The following SRGAP2 variants were observed in gnomAD, a reference collection of about 807,000 sequenced individuals.
The protein encoded by SRGAP2 is SLIT-ROBO Rho GTPase-activating protein 2.
Under a neutral mutation model 57.2 loss-of-function variants are expected in SRGAP2, and 15 were observed. The observed-to-expected ratio is 0.26, with a 90% CI of 0.18 to 0.40. The LOEUF is 0.40. SRGAP2 is among the 10% of genes least tolerant of loss of function. The pLI is 1.00. For synonymous variants in SRGAP2, 249 were observed against 248.0 expected (o/e 1.00, Z -0.04); for missense variants, 520 against 669.6 (o/e 0.78, Z 2.47).
chr1:206,302,255 G>A (rs1177339468), intron 2 of SRGAP2, among the ~76,000 whole-genome samples: 1 of 143,456 alleles, frequency 7.0e-6, no homozygotes, highest in Non-Finnish European at 1.5e-5. Context: ...CACACTGCAA[G>A]CCTTCTCTGA....
chr1:206,327,808 T>A (rs200845075), intron 3 of SRGAP2, among the ~76,000 whole-genome samples: 1 of 103,348 alleles, frequency 9.7e-6, no homozygotes, highest in Non-Finnish European at 1.8e-5. Flanking sequence ...ACTGAATCAT[T>A]TTTTTTTTTT....
chr1:206,437,225 C>A (rs1295249936), intron 15 of SRGAP2, among the ~76,000 whole-genome samples, 183 bp downstream of exon 15: 7 of 152,152 alleles, frequency 4.6e-5, no homozygotes, highest in African/African-American at 1.7e-4. Flanking sequence ...AGGGCACATC[C>A]CAGTTTCCTT....
At chr1:206,353,164 A>AT (rs1162837718) in intron 4 of SRGAP2, among the ~76,000 whole-genome samples, 1 of 151,926 alleles carries the variant, frequency 6.6e-6, no homozygotes, top group African/African-American at 2.4e-5. Flanking sequence ...AAAAATATCA[A>AT]TTTTTTCCTC....
At chr1:206,430,294 TAAG>T in intron 14 of SRGAP2, 72 bp downstream of exon 14, 1 of 771,892 alleles carries the variant, frequency 1.3e-6, no homozygotes, top group Non-Finnish European at 2.4e-6. Flanking sequence ...CTTTGTAGAG[TAAG>T]AATAGAGATT....
chr1:206,296,164 T>TTCTCTGGGCCAACTCC (rs1671581435), intron 2 of SRGAP2, among the ~76,000 whole-genome samples: 1 of 151,606 alleles, frequency 6.6e-6, no homozygotes, highest in Non-Finnish European at 1.5e-5. Flanking sequence ...CTCTCAGCTC[T>TTCTCTGGGCCAACTCC]GCTTCTCTGG....
In SRGAP2 at chr1:206,290,427, A is replaced by C. The variant is rs1368817113; in HGVS notation, c.68-12854A>C. On this transcript the variant is annotated intron_variant, in intron 2 of 22. Coordinates refer to ENST00000573034, the MANE Select transcript of SRGAP2 (RefSeq NM_015326.5). ...TTTGGGAGGCCAAGGCAGGTGGATC[A>C]CCAGAGGTCAGGAGTTCGAGACCAG... Among the ~76,000 whole-genome samples, 49 of 152,270 alleles carry C rather than the reference A, an allele frequency of 3.2e-4. 2 individuals carry two copies. The South Asian group carries it at 9.3e-3, about 29-fold the overall frequency.
Position 206,446,219 on chromosome 1 carries a change from C to A in SRGAP2, c.2019C>A (p.Ile673=). 1 of 780,954 alleles carries A rather than the reference C, an allele frequency of 1.3e-6. No homozygotes were observed. Among genetic ancestry groups the A allele is most frequent in the Non-Finnish European group, 2.4e-6 (1 of 418,014 alleles). The allele number at this position is 780,954 out of a possible 1,614,324, so 48.4% of individuals were successfully genotyped here. The change falls in exon 18 of 23, where the codon ATC becomes ATA. Residue 673 remains isoleucine (I), a synonymous_variant. Coordinates refer to ENST00000573034, the MANE Select transcript of SRGAP2 (RefSeq NM_015326.5). The part of the protein sequence containing the change: ...HVNELIKTII[I]QHENIFPSPR... The stretch of plus-strand genomic sequence containing the variant: ...ATGAGCTGATCAAAACCATCATCAT[C>A]CAGCATGAGAACATCTTCCCAAGCC...
chr1:206,328,091 A>C (rs1674099307), intron 3 of SRGAP2, among the ~76,000 whole-genome samples: 2 of 129,788 alleles, frequency 1.5e-5, no homozygotes, highest in African/African-American at 7.6e-5. Context: ...GTTTAGTGAG[A>C]ATGATGGTTT....
intron 2 of SRGAP2, among the ~76,000 whole-genome samples, 194 bp from the exon 3 acceptor site, chr1:206,303,087 T>TGG (rs1385872723): frequency 3.3e-5 from 4 of 119,718 alleles, no homozygotes; most frequent in African/African-American, 1.5e-4. Flanking sequence ...TGTTCTTTAA[T>TGG]GGTGTAAAAA....
chr1:206,460,753 T>A (rs1410488579), intron 22 of SRGAP2, among the ~76,000 whole-genome samples: 1 of 152,162 alleles, frequency 6.6e-6, no homozygotes, highest in African/African-American at 2.4e-5. Context: ...TATATGTCAC[T>A]TCGTCGATAA....
At chr1:206,459,051 G>C in intron 22 of SRGAP2, 104 bp downstream of exon 22, 1 of 631,634 alleles carries the variant, frequency 1.6e-6, no homozygotes, top group South Asian at 1.9e-5. Flanking sequence ...TGATTATTTT[G>C]TATGTGATAT....
chr1:206,307,793 C>T (rs1405664898), intron 3 of SRGAP2, among the ~76,000 whole-genome samples: 4,258 of 152,096 alleles, frequency 0.028, 190 homozygotes, highest in African/African-American at 0.096. Flanking sequence ...CCAGCTGGCC[C>T]GCAAGCGCCG....
intron 3 of SRGAP2, among the ~76,000 whole-genome samples, chr1:206,339,799 TC>T (rs1675046224): frequency 6.6e-6 from 1 of 151,050 alleles, no homozygotes; most frequent in South Asian, 2.1e-4. Context: ...TTCTTTTTTT[TC>T]TTTTGTTTTG....
At chr1:206,281,067 C>T (rs1321660731) in intron 2 of SRGAP2, among the ~76,000 whole-genome samples, 7 of 147,152 alleles carry the variant, frequency 4.8e-5, no homozygotes, top group East Asian at 2.0e-4. Context: ...GCCAGCTCTG[C>T]GCTAGGTGCT....
chr1:206,369,268 G>A (rs1257914491), intron 4 of SRGAP2, among the ~76,000 whole-genome samples: 3 of 151,946 alleles, frequency 2.0e-5, no homozygotes, highest in African/African-American at 7.3e-5. Flanking sequence ...TGGATCAAAG[G>A]CATAAATGCA....
intron 4 of SRGAP2, among the ~76,000 whole-genome samples, chr1:206,343,661 TC>T: frequency 6.6e-6 from 1 of 151,674 alleles, no homozygotes; most frequent in South Asian, 2.1e-4. Context: ...TTATCGTACT[TC>T]CTTGGGTATA....
rs1305337838 is a variant in SRGAP2, at chr1:206,222,683, A to G, written c.67+16646A>G. Among the ~76,000 whole-genome samples the G allele has an allele frequency of 1.8e-3, 270 of 149,670 alleles. 1 individual carries two copies. The highest frequency in any genetic ancestry group is 6.3e-3 in the African/African-American group (255 of 40,612). The stretch of plus-strand genomic sequence containing the variant: ...AGATCCTGTCTCCAAAAAAAAAAAG[A>G]TGGAGGTAGTTTTTTGTAATGGCAA... On this transcript the variant is annotated intron_variant, in intron 2 of 22. Transcript: ENST00000573034.
At chr1:206,399,741 G>A (rs1657961304) in intron 7 of SRGAP2, among the ~76,000 whole-genome samples, 1 of 149,420 alleles carries the variant, frequency 6.7e-6, no homozygotes, top group Non-Finnish European at 1.5e-5. Context: ...TCATCAACAG[G>A]GTCTACATAG....
intron 18 of SRGAP2, among the ~76,000 whole-genome samples, chr1:206,449,205 A>C (rs1393877406): frequency 6.6e-6 from 1 of 152,110 alleles, no homozygotes; most frequent in Admixed American, 6.5e-5. Context: ...TGAGTTCTGA[A>C]GTCCATGAGC....
Sources: allele counts gnomAD v4.1 joint callset (sites outside exome capture counted in the v4.1 genomes callset), GRCh38; gene constraint gnomAD v4.1.1; transcripts MANE v1.5; gene names NCBI Gene and HGNC (gene_info 2026-07-23, HGNC 2026-07-21).